The following EOLA2 variants were observed in gnomAD, a reference collection of about 807,000 sequenced individuals.
The protein encoded by EOLA2 is protein EOLA2.
Under a neutral mutation model 4.1 loss-of-function variants are expected in EOLA2, and 3 were observed. The observed-to-expected ratio is 0.73, with a 90% CI of 0.33 to 1.89. EOLA2 has a LOEUF of 1.89. Ranked by LOEUF, EOLA2 falls within the 40% of genes most tolerant of loss-of-function variation. The pLI is 0.08. For missense variants in EOLA2, 109 were observed against 126.4 expected, an observed-to-expected ratio of 0.86 and a Z score of 0.66; for synonymous variants, 52 against 51.7, an observed-to-expected ratio of 1.01 and a Z score of -0.03.
chrX:149,938,166 G>A (rs1472219526), intron 1 of EOLA2, 27 bp downstream of exon 1: 1 of 113,442 alleles, frequency 8.8e-6, no homozygotes, highest in Non-Finnish European at 1.9e-5. Flanking sequence ...CCGAGCACAC[G>A]GGCTCCGGCA....
At chrX:149,934,949 G>C (rs2124180453) in intron 2 of EOLA2, among the ~76,000 whole-genome samples, 1 of 112,176 alleles carries the variant, frequency 8.9e-6, no homozygotes, top group East Asian at 2.8e-4. Flanking sequence ...GGGAGATAAG[G>C]CACCAAGAGC....
chrX:149,937,211 G>A (rs1557376354), intron 2 of EOLA2, among the ~76,000 whole-genome samples: 1 of 112,165 alleles, frequency 8.9e-6, no homozygotes, highest in Admixed American at 9.4e-5. Flanking sequence ...TTCTGACGGA[G>A]GCTGAATGTC....
chrX:149,934,527 C>T (rs2090945800), intron 2 of EOLA2: 2 of 755,264 alleles, frequency 2.6e-6, no homozygotes, highest in African/African-American at 2.3e-5. Context: ...GCCCCTTCCC[C>T]CACCACTGCT....
At chrX:149,930,428 T>G (rs1359582444), downstream of EOLA2, among the ~76,000 whole-genome samples, 1 of 110,636 alleles carries the variant, frequency 9.0e-6, no homozygotes, top group Non-Finnish European at 1.9e-5. Context: ...CCTTGATCTA[T>G]GAATTGTTTA....
rs1557375151 is a variant in EOLA2, at chrX:149,933,736, C to T, written c.139G>A (p.Asp47Asn). 2 of 1,208,579 alleles carry T rather than the reference C, an allele frequency of 1.7e-6. No individual in the cohort carries two copies. The highest frequency in any genetic ancestry group is 1.8e-5 in the South Asian group (1 of 56,796). The part of the protein sequence containing the change: ...CTIAVHIAHR[D>N]WEGDACRELL... Reference sequence around the variant, plus strand: ...TCCCGACAGGCATCGCCTTCCCAGTCCCTGTGAGCAATGTGGACGGCGATG... The same window carrying T: ...TCCCGACAGGCATCGCCTTCCCAGTTCCTGTGAGCAATGTGGACGGCGATG... The change falls in exon 4 of 5, where the codon GAC (aspartate) becomes AAC (asparagine). Residue 47 changes from aspartate to asparagine, a missense_variant. By Grantham distance (23) the Asp-to-Asn change is conservative. Coordinates refer to ENST00000370406, the MANE Select transcript of EOLA2 (RefSeq NM_001013845.2).
Position 149,934,120 on chromosome X carries a change from G to A in EOLA2, c.-145C>T, listed in dbSNP as rs1305527858. The A allele has an allele frequency of 3.6e-5, 38 of 1,055,765 alleles. No homozygotes were observed. The East Asian group carries it at 3.9e-4, about 11-fold the overall frequency. The allele number at this position is 1,055,765 out of a possible 1,213,427, so 87.0% of individuals were successfully genotyped here. On this transcript the variant is annotated 5_prime_UTR_variant, in exon 3 of 5. Coordinates refer to ENST00000370406, the MANE Select transcript of EOLA2 (RefSeq NM_001013845.2). ...TCCCATGGAGTCTTTGGGGCGGTCC[G>A]GAGTAGGGCGGGGACAGCTAGAGGA...
rs139173434 is a variant in EOLA2 at position 149,937,702 on chromosome X, C to T, written c.-210-222G>A. 1.0e-3 allele frequency among the ~76,000 whole-genome samples: 118 copies of T among 112,561 alleles called. No homozygotes were observed. The East Asian group carries it at 0.015, about 14-fold the overall frequency. On this transcript the variant is annotated intron_variant, in intron 1 of 4. Coordinates refer to ENST00000370406, the MANE Select transcript of EOLA2 (RefSeq NM_001013845.2). Reference sequence around the variant, plus strand: ...CTGGGTCACAGGGTGCACCAGTCCGCAGAGCAGAAAATCATTTCAGCAAGT... The same window carrying T: ...CTGGGTCACAGGGTGCACCAGTCCGTAGAGCAGAAAATCATTTCAGCAAGT...
rs782146551 is a variant in EOLA2 at position 149,933,621 on chromosome X, C to A, written c.253+1G>T. 20 of 1,199,286 alleles carry A rather than the reference C, an allele frequency of 1.7e-5. No individual in the cohort carries two copies. In the African/African-American group the frequency reaches 2.8e-4, roughly 17 times the overall value. On this transcript the variant is annotated splice_donor_variant, in intron 4 of 4. Coordinates refer to ENST00000370406, the MANE Select transcript of EOLA2 (RefSeq NM_001013845.2). LOFTEE classifies it high-confidence loss of function. The stretch of plus-strand genomic sequence containing the variant: ...TGCGCATTTGGTACATTGTCACTTA[C>A]CCGCTATCACTCCTCGACCAAACTT...
At chrX:149,937,996 C>G (rs2091044856) in intron 1 of EOLA2, 197 bp downstream of exon 1, 1 of 113,007 alleles carries the variant, frequency 8.8e-6, no homozygotes, top group South Asian at 3.6e-4. Flanking sequence ...GCAGCACTTG[C>G]AGACGCAGGT....
In EOLA2 at chrX:149,932,630, G is replaced by A. The variant is rs372212699; in HGVS notation, c.391C>T (p.Leu131=). 8.5e-5 allele frequency: 103 copies of A among 1,206,770 alleles called. No individual in the cohort carries two copies. Among genetic ancestry groups the A allele is most frequent in the Non-Finnish European group, 1.1e-4 (102 of 893,958 alleles). ...LTVISNPRWL[L]EPIPRKGGKD... ...CCTCCTTTCCTAGGTATGGGCTCCAGTAACCACCTGGGGTTTGAAATCACA... is the reference window on the plus strand; with the variant it reads ...CCTCCTTTCCTAGGTATGGGCTCCAATAACCACCTGGGGTTTGAAATCACA... Residue 131 remains leucine (L), a synonymous_variant, in exon 5 of 5, where the codon CTG becomes TTG. Transcript: ENST00000370406.
chrX:149,930,006 A>G (rs1490886866), downstream of EOLA2: 15 of 1,147,653 alleles, frequency 1.3e-5, no homozygotes, highest in Admixed American at 4.2e-4. Context: ...GAGGTTCTTC[A>G]ACGGAAAGGT....
rs781979977 is a variant in EOLA2 at position 149,933,352 on chromosome X, T to C, written c.253+270A>G. Reference sequence around the variant, plus strand: ...ACACAGCCAAACACCACAAACACCATGTGCACATGGCCCTGACCAGGCTTC... The same window carrying C: ...ACACAGCCAAACACCACAAACACCACGTGCACATGGCCCTGACCAGGCTTC... On this transcript the variant is annotated intron_variant, in intron 4 of 4. Coordinates refer to ENST00000370406, the MANE Select transcript of EOLA2 (RefSeq NM_001013845.2). Among the ~76,000 whole-genome samples, 4 of 108,716 alleles carry C rather than the reference T, an allele frequency of 3.7e-5. No individual in the cohort carries two copies. In the South Asian group the frequency reaches 1.2e-3, roughly 34 times the overall value. The allele number at this position is 108,716 out of a possible 115,157, so 94.4% of individuals were successfully genotyped here. A position where few individuals can be genotyped will look rare whatever the true frequency, so the allele number is the denominator to read the frequency against.
intron 1 of EOLA2, 164 bp downstream of exon 1, chrX:149,938,029 G>A (rs1252898863): frequency 2.7e-5 from 3 of 112,984 alleles, no homozygotes; most frequent in Non-Finnish European, 5.6e-5. Flanking sequence ...CGCTTAGAAG[G>A]AGGGGGGCCG....
At chrX:149,938,157 C>T (rs1557376705) in intron 1 of EOLA2, 36 bp downstream of exon 1, 1 of 113,473 alleles carries the variant, frequency 8.8e-6, no homozygotes, top group East Asian at 2.8e-4. Flanking sequence ...GCAAGAGGGC[C>T]GAGCACACGG....
Position 149,938,197 on chromosome X carries a change from C to A in EOLA2, c.-215G>T, listed in dbSNP as rs1329050195. 5.3e-5 allele frequency: 6 copies of A among 113,341 alleles called. No individual in the cohort carries two copies. The highest frequency in any genetic ancestry group is 1.9e-4 in the African/African-American group (6 of 31,269). The allele number at this position is 113,341 out of a possible 1,213,427, so 9.3% of individuals were successfully genotyped here. On this transcript the variant is annotated 5_prime_UTR_variant, in exon 1 of 5. Coordinates refer to ENST00000370406, the MANE Select transcript of EOLA2 (RefSeq NM_001013845.2). ...CGGCATCAGGGGCCCTGGTACCTTT[C>A]AGCCGCGGCCGGTCTCACGGCCTCT...
rs781855614 is a variant in EOLA2, at chrX:149,933,834, C to A, written c.41G>T (p.Gly14Val). ...GCLSFRQPYAGFVLNGIKTVE... is the reference protein window; with the variant it reads ...GCLSFRQPYAVFVLNGIKTVE... ...AGTCTTGATTCCATTTAAGACAAAGCCAGCATAAGGCTGCCGGAAGGAGAG... is the reference window on the plus strand; with the variant it reads ...AGTCTTGATTCCATTTAAGACAAAGACAGCATAAGGCTGCCGGAAGGAGAG... The change falls in exon 4 of 5, where the codon GGC (glycine) becomes GTC (valine). Residue 14 changes from glycine to valine, a missense_variant. Physicochemically the swap from Gly to Val is moderately radical, Grantham distance 109. Coordinates refer to ENST00000370406, the MANE Select transcript of EOLA2 (RefSeq NM_001013845.2). 16 of 1,204,900 alleles carry A rather than the reference C, an allele frequency of 1.3e-5. No individual in the cohort carries two copies. The highest frequency in any genetic ancestry group is 1.1e-4 in the Admixed American group (5 of 45,745).
chrX:149,931,731 C>G (rs2090875221), downstream of EOLA2, among the ~76,000 whole-genome samples: 1 of 79,780 alleles, frequency 1.3e-5, no homozygotes, highest in African/African-American at 4.8e-5. Flanking sequence ...AAGAGAAGGG[C>G]CACTGCAGTC....
At chrX:149,934,192 C>T in intron 2 of EOLA2, 55 bp from the exon 3 acceptor site, 6 of 931,722 alleles carry the variant, frequency 6.4e-6, no homozygotes, top group Non-Finnish European at 8.1e-6. Context: ...CAGAGGTCAC[C>T]GAGCCCTAGG....
chrX:149,937,058 A>C (rs1306433863), intron 2 of EOLA2, among the ~76,000 whole-genome samples: 26 of 109,578 alleles, frequency 2.4e-4, no homozygotes, highest in Non-Finnish European at 3.8e-4. Context: ...ATCTGCCAGC[A>C]AATGACTTTC....
Sources: gnomAD v4.1 joint callset for allele counts (sites outside exome capture counted in the v4.1 genomes callset) on GRCh38, gnomAD v4.1.1 for gene constraint, MANE v1.5 for transcripts, NCBI Gene and HGNC (gene_info 2026-07-23, HGNC 2026-07-21) for gene names.